The following GPAT4 variants were observed in gnomAD, a reference collection of about 807,000 sequenced individuals.
GPAT4 encodes glycerol-3-phosphate acyltransferase 4.
In GPAT4, 17 loss-of-function variants were observed where a neutral mutation model predicts 58.0. That is an observed-to-expected ratio of 0.29 (90% CI 0.20 to 0.44). GPAT4 has a LOEUF of 0.44. Among genes scored for constraint, GPAT4 ranks in the 20% least tolerant of loss-of-function variants. The pLI is 1.00. For missense variants in GPAT4, 377 were observed against 574.5 expected, an observed-to-expected ratio of 0.66 and a Z score of 3.51; for synonymous variants, 204 against 210.1, an observed-to-expected ratio of 0.97 and a Z score of 0.25.
intron 1 of GPAT4, among the ~76,000 whole-genome samples, chr8:41,580,448 C>A (rs1319934007): frequency 6.6e-6 from 1 of 152,154 alleles, no homozygotes; most frequent in Admixed American, 6.5e-5. Context: ...GACTTTCTTA[C>A]AAAACCATAA....
At chr8:41,599,533 C>G (rs898793424) in intron 2 of GPAT4, among the ~76,000 whole-genome samples, 22 of 152,150 alleles carry the variant, frequency 1.4e-4, no homozygotes, top group Non-Finnish European at 2.9e-4. Context: ...CACATGTTGC[C>G]TGTTTATTTC....
intron 10 of GPAT4, among the ~76,000 whole-genome samples, chr8:41,616,714 G>A (rs1803604679): frequency 1.3e-5 from 2 of 152,088 alleles, no homozygotes; most frequent in Admixed American, 1.3e-4. Flanking sequence ...CGAACCCTGA[G>A]GAGTTTCCGC....
chr8:41,608,246 C>A (rs1803338396), intron 2 of GPAT4, among the ~76,000 whole-genome samples: 1 of 152,230 alleles, frequency 6.6e-6, no homozygotes, highest in South Asian at 2.1e-4. Flanking sequence ...CTTTGCTGGA[C>A]CACGTGGTGC....
intron 1 of GPAT4, among the ~76,000 whole-genome samples, chr8:41,595,325 CTTTTTTTTTTTTTTT>C (rs61465079): frequency 1.5e-4 from 11 of 73,812 alleles, no homozygotes; most frequent in African/African-American, 3.0e-4. Flanking sequence ...TTAAATCTTC[CTTTTTTTTTTTTTTT>C]TTTTTTTTTT....
chr8:41,596,892 G>A (rs867545088), intron 1 of GPAT4, among the ~76,000 whole-genome samples: 2 of 152,184 alleles, frequency 1.3e-5, no homozygotes, highest in Non-Finnish European at 2.9e-5. Context: ...AGCAATTCCT[G>A]TCCCTTTTAA....
chr8:41,614,289 C>A (rs554734562), intron 8 of GPAT4, 97 bp from the exon 9 acceptor site: 1 of 1,039,648 alleles, frequency 9.6e-7, no homozygotes, highest in Non-Finnish European at 1.4e-6. Flanking sequence ...TTTTTATAAT[C>A]GAAACTAGTG....
In GPAT4 at chr8:41,624,677, C is replaced by T. The variant is rs1463713535; in HGVS notation, c.*3676C>T. On this transcript the variant is annotated 3_prime_UTR_variant, in exon 13 of 13. Transcript: ENST00000396987. ...TCTTCTACAGCACGCACACCCCACT[C>T]TCTCCCCCAGTCAATATGTCTCTCT... 6.6e-6 allele frequency: 1 copy of T among 152,262 alleles called. No individual in the cohort carries two copies. The highest frequency in any genetic ancestry group is 1.5e-5 in the Non-Finnish European group (1 of 68,096). The allele number at this position is 152,262 out of a possible 1,614,324, so 9.4% of individuals were successfully genotyped here.
At chr8:41,616,015 A>G (rs570337947) in intron 10 of GPAT4, among the ~76,000 whole-genome samples, 1 of 152,270 alleles carries the variant, frequency 6.6e-6, no homozygotes, top group South Asian at 2.1e-4. Context: ...TTGACAGGCT[A>G]GGACTCACCA....
rs1328815354 is a variant in GPAT4 at position 41,588,467 on chromosome 8, TC to T, written c.-848-9824del. ...AGTTCTGTTCTGTTCTGTTCTTTTT[TC>T]TTTTCCTTTTCCTTTTCCCTTTCCT... On this transcript the variant is annotated intron_variant, in intron 1 of 12. Transcript: ENST00000396987. 1.2e-4 allele frequency among the ~76,000 whole-genome samples: 19 copies of T among 152,348 alleles called. No individual in the cohort carries two copies. The East Asian group carries it at 2.3e-3, about 19-fold the overall frequency.
chr8:41,608,064 A>G (rs994006134), intron 2 of GPAT4, among the ~76,000 whole-genome samples: 1 of 152,220 alleles, frequency 6.6e-6, no homozygotes, highest in African/African-American at 2.4e-5. Flanking sequence ...CTTAGAGCCA[A>G]AAGACATCAA....
chr8:41,607,766 C>T (rs1261278197), intron 2 of GPAT4, among the ~76,000 whole-genome samples: 1 of 152,060 alleles, frequency 6.6e-6, no homozygotes, highest in African/African-American at 2.4e-5. Context: ...TGGGCTCAAA[C>T]GATCTTTCTG....
In GPAT4 at chr8:41,604,588, A is replaced by G. The variant is rs76610303; in HGVS notation, c.166-4828A>G. 9.2e-3 allele frequency among the ~76,000 whole-genome samples: 1,399 copies of G among 152,348 alleles called. 19 individuals are homozygous for G. The highest frequency in any genetic ancestry group is 0.031 in the African/African-American group (1,298 of 41,578). ...CAGGAGTTGACCCTCAGCTGAGTTGAAAATGACCTGGAAGAGGGGAGAGAA... is the reference window on the plus strand; with the variant it reads ...CAGGAGTTGACCCTCAGCTGAGTTGGAAATGACCTGGAAGAGGGGAGAGAA... On this transcript the variant is annotated intron_variant, in intron 2 of 12. Coordinates refer to ENST00000396987, the MANE Select transcript of GPAT4 (RefSeq NM_178819.4).
chr8:41,605,280 T>G lies in GPAT4; in HGVS notation c.166-4136T>G, dbSNP rs567326578. ...CATCTATAACTAACTCAGAATGAATTAGTTGAAATACCAGTTGAAATACAC... is the reference window on the plus strand; with the variant it reads ...CATCTATAACTAACTCAGAATGAATGAGTTGAAATACCAGTTGAAATACAC... On this transcript the variant is annotated intron_variant, in intron 2 of 12. Coordinates refer to ENST00000396987, the MANE Select transcript of GPAT4 (RefSeq NM_178819.4). 1.2e-4 allele frequency among the ~76,000 whole-genome samples: 19 copies of G among 152,322 alleles called. 1 individual carries two copies. Among genetic ancestry groups the G allele is most frequent in the Admixed American group, 3.9e-4 (6 of 15,302 alleles).
intron 6 of GPAT4, 76 bp downstream of exon 6, chr8:41,612,068 G>A (rs1395978188): frequency 3.1e-6 from 5 of 1,590,546 alleles, no homozygotes; most frequent in East Asian, 4.5e-5. Flanking sequence ...AGCCAAATGG[G>A]AAGACACTTC....
In GPAT4 at chr8:41,623,094, G is replaced by T. The variant is rs901516203; in HGVS notation, c.*2093G>T. The T allele has an allele frequency of 3.9e-5, 6 of 152,242 alleles. No homozygotes were observed. Among genetic ancestry groups the T allele is most frequent in the African/African-American group, 1.4e-4 (6 of 41,460 alleles). The allele number at this position is 152,242 out of a possible 1,614,324, so 9.4% of individuals were successfully genotyped here. On this transcript the variant is annotated 3_prime_UTR_variant, in exon 13 of 13. Transcript: ENST00000396987. ...AGCTGTCTGCGGCCCCTGCCGGCAG[G>T]TGTGGCCGCACCTGGTGTGAAGTCA...
At chr8:41,620,195 A>G (rs1803707089) in intron 12 of GPAT4, among the ~76,000 whole-genome samples, 1 of 152,176 alleles carries the variant, frequency 6.6e-6, no homozygotes, top group Admixed American at 6.5e-5. Context: ...TTGGATTTTT[A>G]TAAGTTGTTG....
intron 1 of GPAT4, among the ~76,000 whole-genome samples, chr8:41,580,824 G>GT (rs1802491161): frequency 6.6e-6 from 1 of 152,188 alleles, no homozygotes; most frequent in African/African-American, 2.4e-5. Flanking sequence ...GGAGGCAACT[G>GT]TTGTGTGTCT....
At chr8:41,583,527 C>T (rs1802578630) in intron 1 of GPAT4, among the ~76,000 whole-genome samples, 1 of 151,906 alleles carries the variant, frequency 6.6e-6, no homozygotes. Context: ...CTAGTTTATC[C>T]AGAATATTAC....
Position 41,620,980 on chromosome 8 carries a change from C to T in GPAT4, c.1350C>T (p.His450=). The change falls in exon 13 of 13, where the codon CAC becomes CAT. Residue 450 remains histidine (H), a synonymous_variant. Coordinates refer to ENST00000396987, the MANE Select transcript of GPAT4 (RefSeq NM_178819.4). ...KLYSKMIVGN[H]KDRSRS ...ACAGCAAGATGATCGTGGGGAACCA[C>T]AAGGACAGGAGCCGCTCCTGAGCCT... is the stretch of plus-strand genomic sequence containing the variant. 6.4e-7 allele frequency: 1 copy of T among 1,551,266 alleles called. No individual in the cohort carries two copies. The highest frequency in any genetic ancestry group is 1.2e-5 in the South Asian group (1 of 84,036).
Sources: gnomAD v4.1 joint callset for allele counts (sites outside exome capture counted in the v4.1 genomes callset) on GRCh38, gnomAD v4.1.1 for gene constraint, MANE v1.5 for transcripts, NCBI Gene and HGNC (gene_info 2026-07-23, HGNC 2026-07-21) for gene names.